The following PLA2G5 variants were observed in gnomAD, a reference collection of about 807,000 sequenced individuals.
PLA2G5 encodes the protein Ca2+-dependent phospholipase A2.
A neutral mutation model predicts 15.9 loss-of-function variants in PLA2G5; 12 were observed. The ratio of observed to expected loss-of-function variants is 0.76; its 90% confidence interval spans 0.48 to 1.23. PLA2G5 has a LOEUF of 1.23. Among genes scored for constraint, PLA2G5 ranks in the 50% most tolerant of loss-of-function variants. The pLI is 0.00. For synonymous variants in PLA2G5, 71 were observed against 71.4 expected (o/e 0.99, Z 0.03); for missense variants, 169 against 177.1 (o/e 0.95, Z 0.26).
chr1:20,066,684 A>G (rs1271455862), upstream of PLA2G5, among the ~76,000 whole-genome samples: 5 of 152,114 alleles, frequency 3.3e-5, no homozygotes, highest in Non-Finnish European at 7.4e-5. Context: ...TACATATGTA[A>G]GATATTGGTA....
At chr1:20,082,876 C>T (rs973391821) in intron 1 of PLA2G5, among the ~76,000 whole-genome samples, 2 of 151,986 alleles carry the variant, frequency 1.3e-5, no homozygotes, top group African/African-American at 4.9e-5. Context: ...AATAGATTCA[C>T]AGTTATGGGC....
intron 1 of PLA2G5, among the ~76,000 whole-genome samples, chr1:20,032,608 G>A (rs2013020112): frequency 6.6e-6 from 1 of 152,072 alleles, no homozygotes; most frequent in African/African-American, 2.4e-5. Context: ...GTCATGGCAG[G>A]AGAATGTGTA....
intron 1 of PLA2G5, 66 bp from the exon 2 acceptor site, chr1:20,084,755 G>C (rs1428552986): frequency 3.0e-6 from 3 of 1,015,200 alleles, no homozygotes; most frequent in Non-Finnish European, 4.7e-6. Flanking sequence ...GAGCCAGGGT[G>C]GGATCTGAAT....
intron 1 of PLA2G5, among the ~76,000 whole-genome samples, chr1:20,031,753 T>A (rs2012958719): frequency 6.6e-6 from 1 of 152,114 alleles, no homozygotes; most frequent in Non-Finnish European, 1.5e-5. Context: ...GATGTTAGCT[T>A]TCCCGATGTG....
chr1:20,091,258 T>G lies in PLA2G5; in HGVS notation c.*566T>G, dbSNP rs2016551293. On this transcript the variant is annotated 3_prime_UTR_variant, in exon 5 of 5. Coordinates refer to ENST00000375108, the MANE Select transcript of PLA2G5 (RefSeq NM_000929.3). ...TAAACCCAAAGATGTCTACATTATCTCCGAAACAGAAGGGAAGATTAGTAA... is the reference window on the plus strand; with the variant it reads ...TAAACCCAAAGATGTCTACATTATCGCCGAAACAGAAGGGAAGATTAGTAA... The G allele has an allele frequency of 6.6e-6, 1 of 152,396 alleles. No homozygotes were observed. Among genetic ancestry groups the G allele is most frequent in the Admixed American group, 6.5e-5 (1 of 15,300 alleles). The allele number at this position is 152,396 out of a possible 1,614,324, so 9.4% of individuals were successfully genotyped here.
intron 2 of PLA2G5, among the ~76,000 whole-genome samples, chr1:20,085,852 T>G (rs2016258937): frequency 6.6e-6 from 1 of 152,130 alleles, no homozygotes; most frequent in African/African-American, 2.4e-5. Flanking sequence ...TACTTTGAAT[T>G]AGTGGCAGAG....
chr1:20,065,374 C>T (rs2014964641), upstream of PLA2G5, among the ~76,000 whole-genome samples: 2 of 152,174 alleles, frequency 1.3e-5, no homozygotes, highest in Non-Finnish European at 2.9e-5. Flanking sequence ...TCACCATATC[C>T]TACAGAACAG....
At chr1:20,086,260 C>A in intron 3 of PLA2G5, 33 bp downstream of exon 3, 1 of 1,608,746 alleles carries the variant, frequency 6.2e-7, no homozygotes, top group Non-Finnish European at 8.5e-7. Flanking sequence ...CCTTTAGGCT[C>A]CAGGCTCTGC....
chr1:20,076,477 C>CT (rs1440297247), intron 1 of PLA2G5, among the ~76,000 whole-genome samples: 2 of 152,116 alleles, frequency 1.3e-5, no homozygotes, highest in African/African-American at 4.8e-5. Context: ...GGTCTCAACC[C>CT]TTTTTTGTAA....
intron 1 of PLA2G5, chr1:20,028,760 C>T (rs1344563280): frequency 6.6e-6 from 1 of 152,282 alleles, no homozygotes; most frequent in Non-Finnish European, 1.5e-5. Flanking sequence ...ATTAAGGGCC[C>T]TGAGAAAGAG....
chr1:20,029,211 G>A (rs573073362), intron 1 of PLA2G5, among the ~76,000 whole-genome samples: 4 of 152,206 alleles, frequency 2.6e-5, no homozygotes, highest in Non-Finnish European at 5.9e-5. Flanking sequence ...GGTTCAGGCC[G>A]CTTGGCACCC....
At chr1:20,061,561 G>C (rs1363486085) in intron 2 of PLA2G5, among the ~76,000 whole-genome samples, 1 of 148,130 alleles carries the variant, frequency 6.8e-6, no homozygotes, top group Admixed American at 6.8e-5. Context: ...ACTCCAGCCT[G>C]GGCAACAGAG....
chr1:20,065,728 C>T (rs1470212101), upstream of PLA2G5, among the ~76,000 whole-genome samples: 1 of 152,204 alleles, frequency 6.6e-6, no homozygotes, highest in Non-Finnish European at 1.5e-5. Flanking sequence ...ATGAATAAGG[C>T]TGCTGTAAAC....
At chr1:20,056,543 C>G (rs77399036) in intron 1 of PLA2G5, among the ~76,000 whole-genome samples, 2 of 152,178 alleles carry the variant, frequency 1.3e-5, no homozygotes, top group African/African-American at 4.8e-5. Flanking sequence ...GTTGGATCAG[C>G]CTTGTATGTG....
At chr1:20,059,680 G>A (rs2014612049) in exon 2 of PLA2G5, 2 of 152,146 alleles carry the variant, frequency 1.3e-5, no homozygotes, top group African/African-American at 2.4e-5. Flanking sequence ...TGATGGCTAA[G>A]GCTTCCTTGC....
chr1:20,084,785 T>G (rs2016199321), intron 1 of PLA2G5, 36 bp from the exon 2 acceptor site: 2 of 1,478,510 alleles, frequency 1.4e-6, no homozygotes, highest in Non-Finnish European at 1.9e-6. Flanking sequence ...GGGCATTGCC[T>G]GATAGATCTG....
Position 20,078,324 on chromosome 1 carries a change from G to GA in PLA2G5, c.-10-6490dup, listed in dbSNP as rs11573231. 3.0e-3 allele frequency among the ~76,000 whole-genome samples: 454 copies of GA among 152,070 alleles called. 7 individuals carry two copies. The highest frequency in any genetic ancestry group is 0.01 in the African/African-American group (418 of 41,462). ...TCTGTTTAGAAATTTGACTTTTAGA[G>GA]AAAAAAAGAAGTAGAATTGTCCCTA... On this transcript the variant is annotated intron_variant, in intron 1 of 4. Transcript: ENST00000375108.
chr1:20,087,110 AT>A (rs1326855955), intron 3 of PLA2G5, among the ~76,000 whole-genome samples: 1 of 152,232 alleles, frequency 6.6e-6, no homozygotes, highest in African/African-American at 2.4e-5. Flanking sequence ...GTAGATACAG[AT>A]GTTTACATGT....
intron 1 of PLA2G5, among the ~76,000 whole-genome samples, chr1:20,056,898 T>C (rs1218336034): frequency 3.3e-5 from 5 of 152,232 alleles, no homozygotes; most frequent in Non-Finnish European, 5.9e-5. Context: ...ATTTAATAGA[T>C]GCTGGTCTAT....
Sources: allele counts gnomAD v4.1 joint callset (sites outside exome capture counted in the v4.1 genomes callset), GRCh38; gene constraint gnomAD v4.1.1; transcripts MANE v1.5; gene names NCBI Gene and HGNC (gene_info 2026-07-23, HGNC 2026-07-21).